The following PCDH15 variants were observed in gnomAD, a reference collection of about 807,000 sequenced individuals.
PCDH15 encodes protocadherin-15.
A neutral mutation model predicts 178.5 loss-of-function variants in PCDH15; 129 were observed. The ratio of observed to expected loss-of-function variants is 0.72; its 90% CI spans 0.63 to 0.84. The LOEUF is 0.84. PCDH15 is among the 40% of genes least tolerant of loss of function. The probability of loss-of-function intolerance (pLI) is 0.00; values close to 1 mark genes in which losing one functional copy is unlikely to be tolerated. For missense variants in PCDH15, 2,230 were observed against 2,099.9 expected (o/e 1.06, Z -1.21); for synonymous variants, 800 against 732.0 (o/e 1.09, Z -1.50).
chr10:54,211,728 T>C (rs1386503723), intron 10 of PCDH15, among the ~76,000 whole-genome samples: 2 of 151,596 alleles, frequency 1.3e-5, no homozygotes, highest in Non-Finnish European at 2.9e-5. Context: ...AATGAAAAAA[T>C]GAAGTATTAT....
chr10:53,867,376 A>T (rs1344658223), intron 26 of PCDH15, among the ~76,000 whole-genome samples: 1 of 152,118 alleles, frequency 6.6e-6, no homozygotes, highest in African/African-American at 2.4e-5. Context: ...TAGCTAGAAG[A>T]AGGATATCGA....
intron 2 of PCDH15, among the ~76,000 whole-genome samples, chr10:55,451,132 T>C (rs1457844529): frequency 3.9e-5 from 6 of 152,012 alleles, no homozygotes; most frequent in Non-Finnish European, 7.4e-5. Flanking sequence ...TTTCTGAACC[T>C]AGAGCCCATG....
intron 1 of PCDH15, among the ~76,000 whole-genome samples, chr10:54,762,514 C>A (rs1038223112): frequency 1.3e-5 from 2 of 152,038 alleles, no homozygotes; most frequent in African/African-American, 4.8e-5. Context: ...CCAAATGAAA[C>A]AAATACCTTC....
chr10:54,454,980 C>T (rs999645610), intron 3 of PCDH15, among the ~76,000 whole-genome samples: 2 of 152,090 alleles, frequency 1.3e-5, no homozygotes, highest in Non-Finnish European at 2.9e-5. Context: ...GGGGCGATTA[C>T]TCTCATGCTG....
intron 1 of PCDH15, among the ~76,000 whole-genome samples, chr10:54,691,311 G>C (rs974858569): frequency 1.3e-5 from 2 of 151,920 alleles, no homozygotes; most frequent in African/African-American, 4.8e-5. Flanking sequence ...TTATTTTTTA[G>C]ATTGGGCTGG....
chr10:54,571,668 G>C (rs2089861115), intron 2 of PCDH15, among the ~76,000 whole-genome samples: 2 of 152,214 alleles, frequency 1.3e-5, no homozygotes, highest in Non-Finnish European at 2.9e-5. Flanking sequence ...GAAATGAAAT[G>C]GGAGTGATGA....
chr10:54,360,479 T>C (rs978677), intron 5 of PCDH15, among the ~76,000 whole-genome samples: 17,294 of 152,046 alleles, frequency 0.11, 1,748 homozygotes, highest in African/African-American at 0.27. Context: ...CCTGGCATTT[T>C]GGTAAAAATT....
intron 1 of PCDH15, among the ~76,000 whole-genome samples, chr10:54,756,836 T>C (rs553233222): frequency 6.6e-6 from 1 of 152,314 alleles, no homozygotes; most frequent in East Asian, 1.9e-4. Flanking sequence ...TGCAAATAAA[T>C]TCTCGGCACT....
intron 2 of PCDH15, among the ~76,000 whole-genome samples, chr10:54,663,551 T>G (rs1018968143): frequency 1.6e-4 from 24 of 151,042 alleles, no homozygotes; most frequent in African/African-American, 5.8e-4. Context: ...GCAAACATCA[T>G]GTACTAAATG....
chr10:55,111,201 T>G (rs1295332272), intron 2 of PCDH15, among the ~76,000 whole-genome samples: 1 of 152,186 alleles, frequency 6.6e-6, no homozygotes. Context: ...TGAAGACTTT[T>G]CACAGAAAAG....
Position 54,688,491 on chromosome 10 carries a change from G to A in PCDH15, c.-28-24201C>T, listed in dbSNP as rs193081986. Among the ~76,000 whole-genome samples the A allele has an allele frequency of 5.9e-5, 9 of 152,032 alleles. 1 individual carries two copies. The highest frequency in any genetic ancestry group is 4.1e-4 in the South Asian group (2 of 4,830). ...TAAACAATATAAACAATAAATTTCCGAATCCAAAGTTTAAGAGATGTTAAG... is the reference window on the plus strand; with the variant it reads ...TAAACAATATAAACAATAAATTTCCAAATCCAAAGTTTAAGAGATGTTAAG... On this transcript the variant is annotated intron_variant, in intron 1 of 37. Coordinates refer to ENST00000644397, the MANE Select transcript of PCDH15 (RefSeq NM_001384140.1).
At chr10:55,351,235 T>C (rs939824504) in intron 2 of PCDH15, among the ~76,000 whole-genome samples, 1 of 151,736 alleles carries the variant, frequency 6.6e-6, no homozygotes. Flanking sequence ...TATCTTCTCA[T>C]TCACTTCTCC....
chr10:54,350,375 C>T (rs1466121925), intron 5 of PCDH15, among the ~76,000 whole-genome samples: 2 of 152,134 alleles, frequency 1.3e-5, no homozygotes, highest in Non-Finnish European at 2.9e-5. Context: ...ACAGATCACT[C>T]CTGTGTATTT....
At chr10:54,846,562 A>C (rs775792526) in intron 3 of PCDH15, among the ~76,000 whole-genome samples, 2 of 152,048 alleles carry the variant, frequency 1.3e-5, no homozygotes, top group Non-Finnish European at 2.9e-5. Flanking sequence ...ATCATACCAA[A>C]CTCAACATCC....
intron 1 of PCDH15, among the ~76,000 whole-genome samples, chr10:54,747,221 C>A (rs912554188): frequency 1.3e-5 from 2 of 152,172 alleles, no homozygotes; most frequent in East Asian, 1.9e-4. Flanking sequence ...TAGGGAATGA[C>A]GAGATCCCTT....
At chr10:55,317,687 A>G (rs1439132964) in intron 1 of PCDH15, among the ~76,000 whole-genome samples, 1 of 152,016 alleles carries the variant, frequency 6.6e-6, no homozygotes, top group Non-Finnish European at 1.5e-5. Context: ...CAGCAATAAG[A>G]AATATTTTAG....
chr10:54,430,572 A>G (rs1956847091), intron 3 of PCDH15, among the ~76,000 whole-genome samples: 1 of 152,176 alleles, frequency 6.6e-6, no homozygotes, highest in African/African-American at 2.4e-5. Flanking sequence ...AAAAGTTAAG[A>G]AGGAAGTTCA....
chr10:54,379,558 A>G lies in PCDH15; in HGVS notation c.158-616T>C, dbSNP rs552178382. ...GAACAACGCACTAGGCCAGTGTAAC[A>G]TTTCAGTGATTGCTTTCTTATTATT... On this transcript the variant is annotated intron_variant, in intron 3 of 37. Coordinates refer to ENST00000644397, the MANE Select transcript of PCDH15 (RefSeq NM_001384140.1). Among the ~76,000 whole-genome samples the G allele has an allele frequency of 2.8e-3, 432 of 152,010 alleles. 2 individuals carry two copies. The highest frequency in any genetic ancestry group is 5.0e-3 in the Non-Finnish European group (340 of 67,992).
At chr10:55,328,508 C>T (rs1048929684) in intron 2 of PCDH15, among the ~76,000 whole-genome samples, 5 of 151,530 alleles carry the variant, frequency 3.3e-5, no homozygotes, top group East Asian at 1.9e-4. Flanking sequence ...AGTAAAAATA[C>T]GGTATTATAA....
Sources: gnomAD v4.1 joint callset for allele counts (sites outside exome capture counted in the v4.1 genomes callset) on GRCh38, gnomAD v4.1.1 for gene constraint, MANE v1.5 for transcripts, NCBI Gene and HGNC (gene_info 2026-07-23, HGNC 2026-07-21) for gene names.